The following CACNA1D variants were observed in gnomAD, a reference collection of about 807,000 sequenced individuals.
CACNA1D encodes calcium voltage-gated channel subunit alpha1 D.
Under a neutral mutation model 257.1 loss-of-function variants are expected in CACNA1D, and 55 were observed. That is an observed-to-expected ratio of 0.21 (90% CI 0.17 to 0.27). CACNA1D has a LOEUF of 0.27. Ranked by LOEUF, CACNA1D falls within the 10% of genes least tolerant of loss-of-function variation. The pLI is 1.00. For synonymous variants in CACNA1D, 980 were observed against 1,014.9 expected, an observed-to-expected ratio of 0.97 and a Z score of 0.65; for missense variants, 1,876 against 2,784.0, an observed-to-expected ratio of 0.67 and a Z score of 7.34.
At chr3:53,691,761 ATATAATATATATATTATATC>A (rs1290416375) in intron 8 of CACNA1D, among the ~76,000 whole-genome samples, 16 of 116,848 alleles carry the variant, frequency 1.4e-4, no homozygotes, top group African/African-American at 2.6e-4. Context: ...TATATATTAC[ATATAATATATATATTATATC>A]TATAATATAT....
At chr3:53,637,925 G>A (rs2093904215) in intron 3 of CACNA1D, among the ~76,000 whole-genome samples, 2 of 152,152 alleles carry the variant, frequency 1.3e-5, no homozygotes, top group African/African-American at 4.8e-5. Context: ...TTAATCTTCT[G>A]TGTAAATATC....
chr3:53,806,541 G>A (rs1202920556), intron 45 of CACNA1D, among the ~76,000 whole-genome samples: 1 of 152,210 alleles, frequency 6.6e-6, no homozygotes, highest in Admixed American at 6.5e-5. Flanking sequence ...TGGACATGTG[G>A]GCATTTTGCT....
intron 3 of CACNA1D, among the ~76,000 whole-genome samples, chr3:53,539,939 C>G (rs2092250003): frequency 6.6e-6 from 1 of 152,106 alleles, no homozygotes; most frequent in Non-Finnish European, 1.5e-5. Flanking sequence ...TTCATTTTCC[C>G]ATTGAGTTAT....
chr3:53,609,837 T>C (rs1001990843), intron 3 of CACNA1D, among the ~76,000 whole-genome samples: 2 of 152,250 alleles, frequency 1.3e-5, no homozygotes, highest in Non-Finnish European at 2.9e-5. Flanking sequence ...TTTTCTGTGG[T>C]AGAAGGTTGC....
At position 53,762,307 on chromosome 3, in the gene CACNA1D, T is replaced by C. The variant is rs6789172; in HGVS notation, c.3870+226T>C. ...AATCACCTTTTGGAGGACAGGCCTTTTTGCAGCATTTACCCTGGTCACTAG... is the reference window on the plus strand; with the variant it reads ...AATCACCTTTTGGAGGACAGGCCTTCTTGCAGCATTTACCCTGGTCACTAG... On this transcript the variant is annotated intron_variant, in intron 30 of 47. Transcript: ENST00000350061. Among the ~76,000 whole-genome samples, 2,720 of 152,328 alleles carry C rather than the reference T, an allele frequency of 0.018. 90 individuals are homozygous for C. The highest frequency in any genetic ancestry group is 0.062 in the African/African-American group (2,576 of 41,564).
intron 3 of CACNA1D, among the ~76,000 whole-genome samples, chr3:53,599,071 A>G (rs2093408756): frequency 6.6e-6 from 1 of 152,102 alleles, no homozygotes; most frequent in Admixed American, 6.6e-5. Context: ...GAATAAATGG[A>G]ATTTAAAATA....
At chr3:53,782,661 G>T (rs981287313) in intron 39 of CACNA1D, 1 of 152,192 alleles carries the variant, frequency 6.6e-6, no homozygotes, top group Non-Finnish European at 1.5e-5. Flanking sequence ...CATGAAGCGA[G>T]AAGCAACGTG....
At chr3:53,744,884 C>G (rs978359276) in intron 23 of CACNA1D, 57 bp downstream of exon 23, 3 of 924,480 alleles carry the variant, frequency 3.2e-6, no homozygotes, top group Non-Finnish European at 5.4e-6. Flanking sequence ...GCTGTAATTA[C>G]TGGCTCTTCT....
chr3:53,527,537 A>G (rs928478181), intron 3 of CACNA1D, among the ~76,000 whole-genome samples: 4 of 152,222 alleles, frequency 2.6e-5, no homozygotes, highest in Non-Finnish European at 4.4e-5. Flanking sequence ...TAGCATTCCA[A>G]TTAGAACCTA....
intron 3 of CACNA1D, among the ~76,000 whole-genome samples, chr3:53,519,002 T>C (rs1319025210): frequency 6.6e-6 from 1 of 152,216 alleles, no homozygotes; most frequent in Non-Finnish European, 1.5e-5. Flanking sequence ...TCCTTCACCT[T>C]TTCTCTTTAG....
intron 3 of CACNA1D, among the ~76,000 whole-genome samples, chr3:53,637,810 G>T (rs149849379): frequency 1.3e-5 from 2 of 152,284 alleles, no homozygotes; most frequent in African/African-American, 2.4e-5. Context: ...CCATTGCAGG[G>T]CTGCAGTTGG....
At chr3:53,630,304 A>T (rs1486769972) in intron 3 of CACNA1D, among the ~76,000 whole-genome samples, 1 of 152,244 alleles carries the variant, frequency 6.6e-6, no homozygotes, top group Non-Finnish European at 1.5e-5. Context: ...TACAGAGGAA[A>T]GCTGAGAGCA....
chr3:53,613,604 T>C (rs545969286), intron 3 of CACNA1D, among the ~76,000 whole-genome samples: 1 of 152,100 alleles, frequency 6.6e-6, no homozygotes, highest in Non-Finnish European at 1.5e-5. Context: ...GAGAACTCTT[T>C]GGAAACCATA....
At chr3:53,775,011 A>G (rs2095389104) in intron 34 of CACNA1D, among the ~76,000 whole-genome samples, 1 of 152,234 alleles carries the variant, frequency 6.6e-6, no homozygotes, top group Non-Finnish European at 1.5e-5. Context: ...GACCAGGAAG[A>G]CAGAAACTTA....
At chr3:53,505,353 CCCGCCTCGGCCTCCCAAAGTGCTGGAATT>C (rs1201889482) in intron 3 of CACNA1D, among the ~76,000 whole-genome samples, 2 of 152,006 alleles carry the variant, frequency 1.3e-5, no homozygotes, top group African/African-American at 4.8e-5. Flanking sequence ...TTGTGATCTG[CCCGCCTCGGCCTCCCAAAGTGCTGGAATT>C]ACAGGCTTGA....
intron 3 of CACNA1D, among the ~76,000 whole-genome samples, chr3:53,592,874 A>C (rs2093324222): frequency 6.6e-6 from 1 of 152,102 alleles, no homozygotes; most frequent in Non-Finnish European, 1.5e-5. Flanking sequence ...TTTTTAGTAG[A>C]GACGGGGTTT....
chr3:53,568,121 T>G (rs1441274543), intron 3 of CACNA1D, among the ~76,000 whole-genome samples: 3 of 152,138 alleles, frequency 2.0e-5, no homozygotes, highest in Non-Finnish European at 4.4e-5. Context: ...TGAAGTTCTG[T>G]GGAAAGAAGA....
At chr3:53,649,453 G>T (rs924837920) in intron 3 of CACNA1D, among the ~76,000 whole-genome samples, 1 of 152,058 alleles carries the variant, frequency 6.6e-6, no homozygotes, top group African/African-American at 2.4e-5. Flanking sequence ...ATAGAGAATC[G>T]CTCTTGTCAG....
chr3:53,607,292 A>G (rs986809563), intron 3 of CACNA1D, among the ~76,000 whole-genome samples: 2 of 152,210 alleles, frequency 1.3e-5, no homozygotes, highest in Non-Finnish European at 2.9e-5. Context: ...TTACAGGGCA[A>G]AAGGGACTGA....
Sources: gnomAD v4.1 joint callset for allele counts (sites outside exome capture counted in the v4.1 genomes callset) on GRCh38, gnomAD v4.1.1 for gene constraint, MANE v1.5 for transcripts, NCBI Gene and HGNC (gene_info 2026-07-23, HGNC 2026-07-21) for gene names.